Variants in CENPW observed in about 807,000 individuals in gnomAD.
CENPW encodes the protein centromere protein W.
A neutral mutation model predicts 11.1 loss-of-function variants in CENPW; 3 were observed. The ratio of observed to expected loss-of-function variants is 0.27; its 90% confidence interval spans 0.12 to 0.70. The LOEUF is 0.70. CENPW is among the 30% of genes least tolerant of loss of function. The pLI is 0.77. For missense variants in CENPW, 100 were observed against 105.6 expected, an observed-to-expected ratio of 0.95 and a Z score of 0.23; for synonymous variants, 38 against 42.0, an observed-to-expected ratio of 0.91 and a Z score of 0.37.
At chr6:126,469,532 C>G in the CENPW span, among the ~76,000 whole-genome samples, 5 of 152,004 alleles carry the variant, frequency 3.3e-5, no homozygotes, top group Admixed American at 2.6e-4. Flanking sequence ...ATAAAGGTAG[C>G]CTGAAAATGT....
chr6:126,455,403 A>G, the CENPW span, among the ~76,000 whole-genome samples: 2 of 151,558 alleles, frequency 1.3e-5, no homozygotes, highest in Admixed American at 6.6e-5. Flanking sequence ...CTTGTGATGC[A>G]AAGTGTTTCA....
the CENPW span, among the ~76,000 whole-genome samples, chr6:126,420,774 A>G: frequency 6.6e-6 from 1 of 152,314 alleles, no homozygotes; most frequent in East Asian, 1.9e-4. Flanking sequence ...GGTCCTACAA[A>G]GGGAAAGATG....
chr6:126,402,502 A>G, the CENPW span, among the ~76,000 whole-genome samples: 9 of 149,528 alleles, frequency 6.0e-5, no homozygotes, highest in East Asian at 1.6e-3. Flanking sequence ...GTCATTCTCT[A>G]TTTTCTCCCA....
chr6:126,435,586 C>T, the CENPW span, among the ~76,000 whole-genome samples: 1 of 151,908 alleles, frequency 6.6e-6, no homozygotes, highest in Admixed American at 6.6e-5. Context: ...AGGCTCATAT[C>T]CTGCTGTTAA....
chr6:126,438,786 T>C, the CENPW span, among the ~76,000 whole-genome samples: 1 of 151,710 alleles, frequency 6.6e-6, no homozygotes, highest in African/African-American at 2.4e-5. Flanking sequence ...CAAAATGAGA[T>C]AGGACTTAAA....
At chr6:126,442,030 T>A in the CENPW span, among the ~76,000 whole-genome samples, 1 of 151,766 alleles carries the variant, frequency 6.6e-6, no homozygotes, top group African/African-American at 2.4e-5. Context: ...ATCTCCACAC[T>A]GTTTTCCACA....
chr6:126,442,038 A>G, the CENPW span, among the ~76,000 whole-genome samples: 2 of 151,774 alleles, frequency 1.3e-5, no homozygotes, highest in East Asian at 3.9e-4. Context: ...ACTGTTTTCC[A>G]CAGTGGTTGT....
At chr6:126,420,571 T>G in the CENPW span, among the ~76,000 whole-genome samples, 1 of 151,878 alleles carries the variant, frequency 6.6e-6, no homozygotes, top group African/African-American at 2.4e-5. Context: ...AGTGGGAGAG[T>G]CTATAGGAAC....
chr6:126,402,684 A>T, the CENPW span, among the ~76,000 whole-genome samples: 2 of 152,046 alleles, frequency 1.3e-5, no homozygotes, highest in African/African-American at 4.8e-5. Context: ...AGGATATATC[A>T]ACACTTCATT....
At chr6:126,381,757 C>A in the CENPW span, among the ~76,000 whole-genome samples, 1 of 152,156 alleles carries the variant, frequency 6.6e-6, no homozygotes, top group African/African-American at 2.4e-5. Context: ...AGTGTTGTGA[C>A]CAGTGGTCCA....
chr6:126,374,634 C>T, the CENPW span, among the ~76,000 whole-genome samples: 1 of 152,136 alleles, frequency 6.6e-6, no homozygotes, highest in Non-Finnish European at 1.5e-5. Context: ...ATACATATCT[C>T]CTGTGAACAC....
chr6:126,437,758 A>T, the CENPW span, among the ~76,000 whole-genome samples: 1 of 151,714 alleles, frequency 6.6e-6, no homozygotes, highest in African/African-American at 2.4e-5. Flanking sequence ...TTTTATTCAC[A>T]TATGGGAGCT....
intron 2 of CENPW, among the ~76,000 whole-genome samples, chr6:126,347,641 A>C (rs991862485): frequency 6.6e-6 from 1 of 152,064 alleles, no homozygotes; most frequent in African/African-American, 2.4e-5. Flanking sequence ...GGGCCTTTAA[A>C]TTATCTTGCA....
chr6:126,358,238 C>T, the CENPW span, among the ~76,000 whole-genome samples: 1 of 152,002 alleles, frequency 6.6e-6, no homozygotes, highest in Non-Finnish European at 1.5e-5. Context: ...ATTTCCAGTA[C>T]TATGTTAAAT....
chr6:126,423,487 T>A, the CENPW span, among the ~76,000 whole-genome samples: 1 of 152,174 alleles, frequency 6.6e-6, no homozygotes, highest in East Asian at 1.9e-4. Flanking sequence ...GAAGCTAAAG[T>A]CTACATCCAT....
the CENPW span, among the ~76,000 whole-genome samples, chr6:126,470,896 C>G: frequency 3.9e-5 from 6 of 152,178 alleles, no homozygotes; most frequent in Non-Finnish European, 8.8e-5. Context: ...GAACATTTAC[C>G]CAATGCCTGT....
At chr6:126,468,930 G>A in the CENPW span, among the ~76,000 whole-genome samples, 1 of 152,052 alleles carries the variant, frequency 6.6e-6, no homozygotes, top group African/African-American at 2.4e-5. Context: ...AGCCTTCTGA[G>A]TAGCTGGGAC....
the CENPW span, among the ~76,000 whole-genome samples, chr6:126,358,167 T>C: frequency 6.6e-6 from 1 of 152,172 alleles, no homozygotes; most frequent in African/African-American, 2.4e-5. Context: ...TAAAGATATA[T>C]TGCCTTTTCC....
the CENPW span, among the ~76,000 whole-genome samples, chr6:126,443,529 T>C: frequency 6.6e-6 from 1 of 151,328 alleles, no homozygotes; most frequent in Non-Finnish European, 1.5e-5. Flanking sequence ...CTTAGATCCT[T>C]TATTTCATTA....
Sources: allele counts gnomAD v4.1 joint callset (sites outside exome capture counted in the v4.1 genomes callset), GRCh38; gene constraint gnomAD v4.1.1; transcripts MANE v1.5; gene names NCBI Gene and HGNC (gene_info 2026-07-23, HGNC 2026-07-21).